Variants in CNTNAP5 observed in about 807,000 individuals in gnomAD.
CNTNAP5 encodes contactin associated protein family member 5, also known as contactin-associated protein-like 5.
A neutral mutation model predicts 150.2 loss-of-function variants in CNTNAP5; 72 were observed. The ratio of observed to expected loss-of-function variants is 0.48; its 90% confidence interval spans 0.40 to 0.58. The LOEUF is 0.58. CNTNAP5 is among the 20% of genes least tolerant of loss of function. The pLI, the probability that CNTNAP5 is intolerant of heterozygous loss-of-function variation, is 0.00. For missense variants in CNTNAP5, 1,636 were observed against 1,626.2 expected (o/e 1.01, Z -0.10); for synonymous variants, 672 against 619.8 (o/e 1.08, Z -1.25).
chr2:124,459,894 T>C (rs1693208152), intron 6 of CNTNAP5, among the ~76,000 whole-genome samples: 1 of 152,224 alleles, frequency 6.6e-6, no homozygotes. Context: ...GGCTATTCTT[T>C]GCTTAGCTGT....
intron 3 of CNTNAP5, among the ~76,000 whole-genome samples, chr2:124,400,669 G>GTTTTTTTTTTTTTTTTTTTTTTT (rs760418441): frequency 5.9e-5 from 5 of 84,494 alleles, no homozygotes; most frequent in African/African-American, 1.9e-4. Context: ...TAAAGGCATT[G>GTTTTTTTTTTTTTTTTTTTTTTT]TTTTTTTTTT....
At chr2:124,805,248 T>A (rs1682057174) in intron 19 of CNTNAP5, among the ~76,000 whole-genome samples, 1 of 152,150 alleles carries the variant, frequency 6.6e-6, no homozygotes, top group Non-Finnish European at 1.5e-5. Flanking sequence ...AGAATGACTT[T>A]CTCAATTGCC....
chr2:124,803,152 A>G (rs1380493048), intron 19 of CNTNAP5, among the ~76,000 whole-genome samples: 1 of 151,992 alleles, frequency 6.6e-6, no homozygotes, highest in Non-Finnish European at 1.5e-5. Context: ...GGACAGAAAC[A>G]TAGTTAAAAA....
chr2:124,262,206 C>G (rs1204646872), intron 3 of CNTNAP5, among the ~76,000 whole-genome samples: 1 of 152,036 alleles, frequency 6.6e-6, no homozygotes, highest in Non-Finnish European at 1.5e-5. Flanking sequence ...AATCACACCA[C>G]TGTACTTCAA....
chr2:124,168,402 T>C (rs1308655335), intron 1 of CNTNAP5, among the ~76,000 whole-genome samples: 1 of 152,192 alleles, frequency 6.6e-6, no homozygotes, highest in African/African-American at 2.4e-5. Flanking sequence ...TTTTATTAGT[T>C]TGGCAGTGAT....
At chr2:124,611,687 A>C (rs1381351919) in intron 12 of CNTNAP5, among the ~76,000 whole-genome samples, 1 of 152,210 alleles carries the variant, frequency 6.6e-6, no homozygotes, top group South Asian at 2.1e-4. Context: ...TTTTCAAGTG[A>C]TTCTGATGCA....
rs1190146938 is a variant in CNTNAP5 at position 124,665,004 on chromosome 2, C to T, written c.2077+17046C>T. ...ACCTGGCCAGGAAGTTTAATCCTAC[C>T]GTGTGCTCAGAAGGTGACGAGACAG... On this transcript the variant is annotated intron_variant, in intron 13 of 23. Transcript: ENST00000682447. Among the ~76,000 whole-genome samples the T allele has an allele frequency of 2.6e-5, 4 of 152,122 alleles. No individual in the cohort carries two copies. In the East Asian group the frequency reaches 5.8e-4, roughly 22 times the overall value.
chr2:124,203,899 A>G (rs1285371348), intron 1 of CNTNAP5, among the ~76,000 whole-genome samples: 1 of 151,998 alleles, frequency 6.6e-6, no homozygotes, highest in Non-Finnish European at 1.5e-5. Flanking sequence ...CATTTTCCCC[A>G]TTGTCTTGGC....
In CNTNAP5 at chr2:124,911,887, C is replaced by T. The variant is rs578213476; in HGVS notation, c.3727+349C>T. ...CAAAGCAAACCAATAAAACTAAATT[C>T]GGGGAAGAAGCCATGTTGGGGCAGA... On this transcript the variant is annotated intron_variant, in intron 23 of 23. Coordinates refer to ENST00000682447, the MANE Select transcript of CNTNAP5 (RefSeq NM_001367498.1). Among the ~76,000 whole-genome samples the T allele has an allele frequency of 4.6e-5, 7 of 152,148 alleles. 1 individual carries two copies. The South Asian group carries it at 1.5e-3, about 32-fold the overall frequency.
At chr2:124,203,874 G>A (rs1445859969) in intron 1 of CNTNAP5, among the ~76,000 whole-genome samples, 1 of 152,212 alleles carries the variant, frequency 6.6e-6, no homozygotes, top group African/African-American at 2.4e-5. Flanking sequence ...GAAGACCTCT[G>A]ACATGCCCTG....
intron 1 of CNTNAP5, among the ~76,000 whole-genome samples, chr2:124,036,546 C>A (rs952446752): frequency 6.6e-6 from 1 of 152,010 alleles, no homozygotes; most frequent in Admixed American, 6.6e-5. Context: ...CTGAAACCAC[C>A]AGGATATTAA....
chr2:124,357,975 T>G (rs1291687999), intron 3 of CNTNAP5, among the ~76,000 whole-genome samples: 1 of 150,022 alleles, frequency 6.7e-6, no homozygotes, highest in African/African-American at 2.4e-5. Flanking sequence ...TATCCTCTTT[T>G]ATTTCCTTGA....
chr2:124,891,438 C>A (rs145027279), intron 21 of CNTNAP5, among the ~76,000 whole-genome samples: 1 of 152,072 alleles, frequency 6.6e-6, no homozygotes, highest in Non-Finnish European at 1.5e-5. Context: ...GGGAAATAGA[C>A]CCCATCGCTC....
At chr2:124,871,455 C>A (rs1340396664) in intron 21 of CNTNAP5, among the ~76,000 whole-genome samples, 1 of 152,106 alleles carries the variant, frequency 6.6e-6, no homozygotes, top group East Asian at 1.9e-4. Context: ...ATACATGTCT[C>A]TCCCCAACTC....
At chr2:124,767,495 A>C (rs1327839656) in intron 16 of CNTNAP5, among the ~76,000 whole-genome samples, 1 of 152,216 alleles carries the variant, frequency 6.6e-6, no homozygotes, top group Non-Finnish European at 1.5e-5. Context: ...TCAGAAGGAA[A>C]TGGCTTTTGA....
At chr2:124,326,208 G>A (rs1443319317) in intron 3 of CNTNAP5, among the ~76,000 whole-genome samples, 1 of 152,166 alleles carries the variant, frequency 6.6e-6, no homozygotes, top group Admixed American at 6.5e-5. Flanking sequence ...TCCCCAGGGA[G>A]CCTGTGCATG....
At chr2:124,484,124 G>A (rs1693817190) in intron 7 of CNTNAP5, among the ~76,000 whole-genome samples, 1 of 152,178 alleles carries the variant, frequency 6.6e-6, no homozygotes. Flanking sequence ...CTCAAACACA[G>A]CTTATAAGAG....
chr2:124,400,676 T>TTTTG (rs1558884146), intron 3 of CNTNAP5, among the ~76,000 whole-genome samples: 10 of 102,012 alleles, frequency 9.8e-5, no homozygotes, highest in African/African-American at 2.5e-4. Flanking sequence ...ATTGTTTTTT[T>TTTTG]TTTTTTTTTT....
At chr2:124,400,992 C>T (rs1390141145) in intron 3 of CNTNAP5, among the ~76,000 whole-genome samples, 2 of 152,116 alleles carry the variant, frequency 1.3e-5, no homozygotes, top group Non-Finnish European at 2.9e-5. Context: ...CTGCCTCAGC[C>T]TCCTGAGTAG....
Sources: allele counts gnomAD v4.1 joint callset (sites outside exome capture counted in the v4.1 genomes callset), GRCh38; gene constraint gnomAD v4.1.1; transcripts MANE v1.5; gene names NCBI Gene and HGNC (gene_info 2026-07-23, HGNC 2026-07-21).